CCDC171: variants seen among roughly 807,000 people sequenced by gnomAD.
CCDC171 encodes the protein coiled-coil domain containing 171.
In CCDC171, 177 loss-of-function variants were observed where a neutral mutation model predicts 168.2. That is an observed-to-expected ratio of 1.05 (90% CI 0.93 to 1.19). The LOEUF (loss-of-function observed/expected upper bound fraction) is 1.19. Ranked by LOEUF, CCDC171 falls within the 50% of genes most tolerant of loss-of-function variation. The probability of loss-of-function intolerance (pLI) is 0.00; values close to 1 mark genes in which losing one functional copy is unlikely to be tolerated. For synonymous variants in CCDC171, 687 were observed against 540.8 expected, an observed-to-expected ratio of 1.27 and a Z score of -3.75; for missense variants, 1,991 against 1,539.0, an observed-to-expected ratio of 1.29 and a Z score of -4.91.
At chr9:16,082,055 C>G in the CCDC171 span, among the ~76,000 whole-genome samples, 1 of 152,050 alleles carries the variant, frequency 6.6e-6, no homozygotes, top group Non-Finnish European at 1.5e-5. Context: ...CAAAAACCTG[C>G]TCTTGATTTT....
chr9:16,003,760 C>T (rs1832620152), intron 3 of CCDC171, among the ~76,000 whole-genome samples: 1 of 152,160 alleles, frequency 6.6e-6, no homozygotes, highest in Non-Finnish European at 1.5e-5. Context: ...TCACCCTTGA[C>T]CATTAAGAGG....
chr9:15,598,771 T>C (rs906561903), intron 6 of CCDC171, among the ~76,000 whole-genome samples: 2 of 152,166 alleles, frequency 1.3e-5, no homozygotes, highest in African/African-American at 4.8e-5. Flanking sequence ...CCATTATTAT[T>C]GTGTGGGAGT....
chr9:15,897,244 T>C (rs911342660), intron 24 of CCDC171, among the ~76,000 whole-genome samples: 1 of 151,774 alleles, frequency 6.6e-6, no homozygotes, highest in African/African-American at 2.4e-5. Context: ...ATTATCATTT[T>C]ACATGTATAA....
At chr9:15,703,749 A>T (rs2051985878) in intron 11 of CCDC171, among the ~76,000 whole-genome samples, 1 of 152,186 alleles carries the variant, frequency 6.6e-6, no homozygotes, top group African/African-American at 2.4e-5. Context: ...CACTGATTTC[A>T]TTTCTTTTGG....
intron 1 of CCDC171, among the ~76,000 whole-genome samples, chr9:15,557,812 T>G (rs1202526802): frequency 6.6e-6 from 1 of 152,142 alleles, no homozygotes; most frequent in Non-Finnish European, 1.5e-5. Flanking sequence ...CCCTGTCTTG[T>G]GCCAGTTTTC....
At chr9:15,591,293 A>G in intron 4 of CCDC171, 73 bp from the exon 5 acceptor site, 1 of 861,502 alleles carries the variant, frequency 1.2e-6, no homozygotes, top group Non-Finnish European at 1.8e-6. Context: ...TGTCAACTCC[A>G]ATGCCTAGGT....
In CCDC171 at chr9:15,652,758, A is replaced by G. The variant is rs150586361; in HGVS notation, c.823-4369A>G. On this transcript the variant is annotated intron_variant, in intron 7 of 25. Coordinates refer to ENST00000380701, the MANE Select transcript of CCDC171 (RefSeq NM_173550.4). The stretch of plus-strand genomic sequence containing the variant: ...GCTCAGCTGATCACTGTAGCTTTGT[A>G]GTGAGTTTTGCAATTATGACATATG... Among the ~76,000 whole-genome samples the G allele has an allele frequency of 5.9e-5, 9 of 152,280 alleles. No homozygotes were observed. In the East Asian group the frequency reaches 9.6e-4, roughly 16 times the overall value.
upstream of CCDC171, among the ~76,000 whole-genome samples, chr9:16,040,897 A>C (rs370151672): frequency 4.6e-5 from 7 of 152,118 alleles, no homozygotes; most frequent in African/African-American, 1.7e-4. Flanking sequence ...TTTTCAGCCA[A>C]AAATATTTGA....
intron 7 of CCDC171, among the ~76,000 whole-genome samples, chr9:15,645,888 T>C (rs186746532): frequency 7.9e-4 from 120 of 152,212 alleles, no homozygotes; most frequent in African/African-American, 2.7e-3. Flanking sequence ...ATTCAGGAAA[T>C]ACAGAGAACG....
intron 25 of CCDC171, among the ~76,000 whole-genome samples, chr9:15,945,777 T>G (rs1828285786): frequency 6.6e-6 from 1 of 152,002 alleles, no homozygotes; most frequent in African/African-American, 2.4e-5. Context: ...ATTCTGGATA[T>G]TAGCCCTTTG....
intron 23 of CCDC171, among the ~76,000 whole-genome samples, chr9:15,872,652 T>C (rs932065323): frequency 1.3e-5 from 2 of 152,140 alleles, no homozygotes; most frequent in Non-Finnish European, 1.5e-5. Flanking sequence ...GGCTCAAATT[T>C]AATAAATTTT....
At chr9:16,034,728 A>C (rs1307832906) in intron 6 of CCDC171, among the ~76,000 whole-genome samples, 1 of 152,150 alleles carries the variant, frequency 6.6e-6, no homozygotes, top group Non-Finnish European at 1.5e-5. Flanking sequence ...TTGGAAAGCT[A>C]ATATAGCATG....
Position 15,564,134 on chromosome 9 carries a change from G to C in CCDC171, c.41+5G>C. ...TAATACTGGTGATACCCAAAGGTAA[G>C]CCTCTAGTCTCTTCTTTTAGTTGAT... On this transcript the variant is annotated splice_donor_5th_base_variant and intron_variant, in intron 2 of 25. Coordinates refer to ENST00000380701, the MANE Select transcript of CCDC171 (RefSeq NM_173550.4). The C allele has an allele frequency of 6.2e-7, 1 of 1,603,006 alleles. No homozygotes were observed. Among genetic ancestry groups the C allele is most frequent in the Non-Finnish European group, 8.5e-7 (1 of 1,174,012 alleles).
At chr9:15,705,480 C>G (rs537251003) in intron 11 of CCDC171, among the ~76,000 whole-genome samples, 1 of 152,272 alleles carries the variant, frequency 6.6e-6, no homozygotes, top group South Asian at 2.1e-4. Flanking sequence ...CTTGAATATG[C>G]CAAGCATGCT....
At chr9:16,065,073 C>T (rs1833976887), downstream of CCDC171, among the ~76,000 whole-genome samples, 1 of 152,174 alleles carries the variant, frequency 6.6e-6, no homozygotes, top group Non-Finnish European at 1.5e-5. Flanking sequence ...GGGGGTGATG[C>T]AATGCAGGCT....
Position 15,727,943 on chromosome 9 carries a change from C to T in CCDC171, c.1767C>T (p.Gly589=). The change falls in exon 15 of 26, where the codon GGC becomes GGT. Residue 589 remains glycine, a synonymous_variant. Transcript: ENST00000380701. ...GTGTGCTCATAAAACAACCAGAAGG[C>T]ATGCTGGATAAATTCTCTTGGTCTG... ...AGCVLIKQPE[G]MLDKFSWSEL... 1 of 1,613,272 alleles carries T rather than the reference C, an allele frequency of 6.2e-7. No homozygotes were observed. Among genetic ancestry groups the T allele is most frequent in the Non-Finnish European group, 8.5e-7 (1 of 1,179,568 alleles).
chr9:15,580,880 A>T (rs996455258), intron 4 of CCDC171, among the ~76,000 whole-genome samples: 6 of 152,184 alleles, frequency 3.9e-5, no homozygotes, highest in Non-Finnish European at 8.8e-5. Context: ...CAAGACAAGG[A>T]TGCCCTCTCT....
At chr9:15,868,290 A>G (rs1376426056) in intron 23 of CCDC171, among the ~76,000 whole-genome samples, 1 of 152,030 alleles carries the variant, frequency 6.6e-6, no homozygotes, top group Non-Finnish European at 1.5e-5. Flanking sequence ...TGCAGTGCCA[A>G]TGGAATGCCT....
chr9:15,620,890 C>A (rs2044449122), intron 6 of CCDC171, among the ~76,000 whole-genome samples: 1 of 152,192 alleles, frequency 6.6e-6, no homozygotes, highest in Admixed American at 6.5e-5. Context: ...TAGGACCTTC[C>A]ACCATTAAAG....
Sources: allele counts gnomAD v4.1 joint callset (sites outside exome capture counted in the v4.1 genomes callset), GRCh38; gene constraint gnomAD v4.1.1; transcripts MANE v1.5; gene names NCBI Gene and HGNC (gene_info 2026-07-23, HGNC 2026-07-21).